MMRN1: variants seen among roughly 807,000 people sequenced by gnomAD.
MMRN1 encodes the protein multimerin-1.
MMRN1 carries 94 observed loss-of-function variants against 100.7 expected under a neutral mutation model. The ratio of observed to expected loss-of-function variants is 0.93; its 90% CI spans 0.79 to 1.11. The LOEUF is 1.11. MMRN1 is among the 50% of genes least tolerant of loss of function. The pLI is 0.00. For synonymous variants in MMRN1, 575 were observed against 505.0 expected, an observed-to-expected ratio of 1.14 and a Z score of -1.86; for missense variants, 1,606 against 1,439.1, an observed-to-expected ratio of 1.12 and a Z score of -1.88.
intron 1 of MMRN1, among the ~76,000 whole-genome samples, chr4:89,905,012 A>G (rs1340213888): frequency 6.6e-6 from 1 of 151,610 alleles, no homozygotes; most frequent in Non-Finnish European, 1.5e-5. Flanking sequence ...TTTTAAAAAG[A>G]GAGGGGGGGA....
chr4:89,894,691 A>G (rs954738239), upstream of MMRN1: 11 of 281,334 alleles, frequency 3.9e-5, 1 homozygote, highest in South Asian at 1.3e-3. Flanking sequence ...TTTTCCTGAT[A>G]ATAATTGCCT....
At chr4:89,948,957 T>G (rs1209611952) in intron 6 of MMRN1, among the ~76,000 whole-genome samples, 1 of 152,098 alleles carries the variant, frequency 6.6e-6, no homozygotes, top group East Asian at 1.9e-4. Flanking sequence ...CAATTAAACT[T>G]AAGTGTAGCC....
chr4:89,935,516 G>T lies in MMRN1; in HGVS notation c.1836G>T (p.Glu612Asp), dbSNP rs552543975. 1.2e-6 allele frequency: 2 copies of T among 1,613,300 alleles called. No homozygotes were observed. Among genetic ancestry groups the T allele is most frequent in the South Asian group, 1.1e-5 (1 of 90,956 alleles). ...DFKFQLKDTE[E>D]NLHVLNQTLA... ...AATTTCAACTTAAGGACACAGAAGA[G>T]AATTTACATGTGTTAAATCAAACAT... is the stretch of plus-strand genomic sequence containing the variant. The change falls in exon 6 of 8, where the codon GAG (glutamate) becomes GAT (aspartate). Residue 612 changes from glutamate (E) to aspartate (D), a missense_variant. Coordinates refer to ENST00000264790, the MANE Select transcript of MMRN1 (RefSeq NM_007351.3).
rs147250620 is a variant in MMRN1 at position 89,895,037 on chromosome 4, C to T, written c.66C>T (p.Asn22=). The stretch of plus-strand genomic sequence containing the variant: ...GGAGTGGGGGCATTGGGCTTAACAA[C>T]AGTAAGCATTCTTGGACTATACCTG... ...SLWSGGIGLN[N]SKHSWTIPED... The change falls in exon 1 of 8, where the codon AAC becomes AAT. Residue 22 remains asparagine (N), a synonymous_variant. Coordinates refer to ENST00000264790, the MANE Select transcript of MMRN1 (RefSeq NM_007351.3). 2 of 1,613,752 alleles carry T rather than the reference C, an allele frequency of 1.2e-6. No homozygotes were observed. The highest frequency in any genetic ancestry group is 1.7e-5 in the Admixed American group (1 of 59,976).
chr4:89,891,124 A>C, upstream of MMRN1, among the ~76,000 whole-genome samples: 1 of 152,066 alleles, frequency 6.6e-6, no homozygotes, highest in East Asian at 1.9e-4. Flanking sequence ...TCTCATATTT[A>C]TTTTGAGAAT....
chr4:89,908,567 A>G (rs1721643050), intron 1 of MMRN1, among the ~76,000 whole-genome samples: 1 of 151,620 alleles, frequency 6.6e-6, no homozygotes, highest in South Asian at 2.1e-4. Flanking sequence ...TTTACTTATT[A>G]AATCTAACAC....
Position 89,951,513 on chromosome 4 carries a change from C to CT in MMRN1, c.3119-87dup, listed in dbSNP as rs1269371227. On this transcript the variant is annotated intron_variant, in intron 6 of 7. Coordinates refer to ENST00000264790, the MANE Select transcript of MMRN1 (RefSeq NM_007351.3). ...CCATTTTTCTTACTTAAAATTCAGT[C>CT]TTTTTCCTATTCTGCTGCAAACTAC... 7 of 1,322,562 alleles carry CT rather than the reference C, an allele frequency of 5.3e-6. No homozygotes were observed. In the African/African-American group the frequency reaches 6.2e-5, roughly 12 times the overall value. The allele number at this position is 1,322,562 out of a possible 1,614,324, so 81.9% of individuals were successfully genotyped here.
chr4:89,926,542 G>A (rs1394691758), intron 4 of MMRN1, among the ~76,000 whole-genome samples: 3 of 152,094 alleles, frequency 2.0e-5, no homozygotes, highest in South Asian at 2.1e-4. Context: ...CTTGTCAGAT[G>A]GGTGGTTTGC....
chr4:89,894,710 C>T (rs573023598), upstream of MMRN1: 45 of 323,398 alleles, frequency 1.4e-4, no homozygotes, highest in South Asian at 2.8e-3. Flanking sequence ...CTGTGCTTTC[C>T]CATTTACCCT....
rs775257248 is a variant in MMRN1, at chr4:89,936,089, C to G, written c.2409C>G (p.Ala803=). ...GATATAACTTTGTTTTGCAAGTCGC[C>G]AAGACCCTTGCAGGTATTCCCAGAG... ...NQRYNFVLQV[A]KTLAGIPRDE... Residue 803 remains alanine (A), a synonymous_variant, in exon 6 of 8, where the codon GCC becomes GCG. Coordinates refer to ENST00000264790, the MANE Select transcript of MMRN1 (RefSeq NM_007351.3). 1 of 1,612,214 alleles carries G rather than the reference C, an allele frequency of 6.2e-7. No homozygotes were observed. Among genetic ancestry groups the G allele is most frequent in the Non-Finnish European group, 8.5e-7 (1 of 1,179,384 alleles).
At chr4:89,926,127 C>T (rs905451840) in intron 4 of MMRN1, among the ~76,000 whole-genome samples, 12 of 152,136 alleles carry the variant, frequency 7.9e-5, no homozygotes. Flanking sequence ...GATTTCCTTT[C>T]TTTTGTGTGT....
At position 89,936,734 on chromosome 4, in the gene MMRN1, G is replaced by T. The variant is rs770072400; in HGVS notation, c.3054G>T (p.Thr1018=). ...PKKINALKKP[T]VNLTTVLIGR... ...AAATTAACGCACTTAAGAAACCAAC[G>T]GTAAATCTTACCACAGTCCTGATAG... The change falls in exon 6 of 8, where the codon ACG becomes ACT. Residue 1018 remains threonine, a synonymous_variant. Coordinates refer to ENST00000264790, the MANE Select transcript of MMRN1 (RefSeq NM_007351.3). The T allele has an allele frequency of 6.2e-7, 1 of 1,612,890 alleles. No homozygotes were observed.
rs1378857406 is a variant in MMRN1, at chr4:89,948,098, C to A, written c.3119-3507C>A. On this transcript the variant is annotated intron_variant, in intron 6 of 7. Coordinates refer to ENST00000264790, the MANE Select transcript of MMRN1 (RefSeq NM_007351.3). ...AACTCCCGACCTCAGGTGATCTGCC[C>A]GCCTCAGCCTCCCAAAGTGCTAGGA... Among the ~76,000 whole-genome samples, 4 of 152,040 alleles carry A rather than the reference C, an allele frequency of 2.6e-5. No homozygotes were observed. In the East Asian group the frequency reaches 5.8e-4, roughly 22 times the overall value.
At chr4:89,912,104 TGAAG>T in intron 3 of MMRN1, 54 bp downstream of exon 3, 2 of 1,275,298 alleles carry the variant, frequency 1.6e-6, no homozygotes, top group Non-Finnish European at 2.2e-6. Context: ...CTGATTCTAT[TGAAG>T]AAAAGAATAG....
At chr4:89,922,922 C>T (rs1026425205) in intron 3 of MMRN1, among the ~76,000 whole-genome samples, 2 of 151,834 alleles carry the variant, frequency 1.3e-5, no homozygotes, top group African/African-American at 4.9e-5. Context: ...TCCCTTTTCA[C>T]GGAAAGGAGG....
chr4:89,949,944 T>C (rs1371525620), intron 6 of MMRN1, among the ~76,000 whole-genome samples: 6 of 152,172 alleles, frequency 3.9e-5, no homozygotes, highest in African/African-American at 1.4e-4. Context: ...TGGTTTGAAA[T>C]GAGTGGATGG....
intron 6 of MMRN1, among the ~76,000 whole-genome samples, chr4:89,940,794 T>C (rs1463825693): frequency 1.3e-5 from 2 of 152,196 alleles, no homozygotes; most frequent in Non-Finnish European, 2.9e-5. Context: ...ATGTATATGC[T>C]TTTATTTTCT....
rs112518797 is a variant in MMRN1, at chr4:89,914,403, C to T, written c.850+2353C>T. Among the ~76,000 whole-genome samples the T allele has an allele frequency of 5.4e-3, 815 of 151,416 alleles. 5 individuals carry two copies. Among genetic ancestry groups the T allele is most frequent in the African/African-American group, 0.019 (773 of 41,428 alleles). ...TATTCCACAATATGCTAATCTGCTA[C>T]GCACGTACTTTAGCTGCAACTCAGA... On this transcript the variant is annotated intron_variant, in intron 3 of 7. Coordinates refer to ENST00000264790, the MANE Select transcript of MMRN1 (RefSeq NM_007351.3).
intron 1 of MMRN1, among the ~76,000 whole-genome samples, chr4:89,899,595 G>A (rs568812536): frequency 4.6e-5 from 7 of 152,092 alleles, no homozygotes; most frequent in South Asian, 4.1e-4. Flanking sequence ...TTGCCTGAGA[G>A]GATAATAGGT....
Sources: gnomAD v4.1 joint callset for allele counts (sites outside exome capture counted in the v4.1 genomes callset) on GRCh38, gnomAD v4.1.1 for gene constraint, MANE v1.5 for transcripts, NCBI Gene and HGNC (gene_info 2026-07-23, HGNC 2026-07-21) for gene names.